The following ARHGAP17 variants were observed in gnomAD, a reference collection of about 807,000 sequenced individuals.
ARHGAP17 encodes rho GTPase-activating protein 17.
Under a neutral mutation model 99.5 loss-of-function variants are expected in ARHGAP17, and 57 were observed. The observed-to-expected ratio is 0.57, with a 90% CI of 0.46 to 0.71. The LOEUF (loss-of-function observed/expected upper bound fraction) is 0.71. ARHGAP17 is among the 30% of genes least tolerant of loss of function. The pLI is 0.00. For synonymous variants in ARHGAP17, 417 were observed against 429.6 expected (o/e 0.97, Z 0.36); for missense variants, 1,000 against 1,122.4 (o/e 0.89, Z 1.56).
intron 19 of ARHGAP17, among the ~76,000 whole-genome samples, chr16:24,923,727 TAAAAAAAAAAAAAA>T (rs1160793042): frequency 1.7e-5 from 2 of 119,908 alleles, no homozygotes; most frequent in African/African-American, 6.6e-5. Flanking sequence ...CTCTTTTTTT[TAAAAAAAAAAAAAA>T]AAAAAAAGAG....
At chr16:24,938,519 T>C (rs148518858) in intron 17 of ARHGAP17, among the ~76,000 whole-genome samples, 72 of 152,136 alleles carry the variant, frequency 4.7e-4, no homozygotes, top group African/African-American at 1.7e-3. Context: ...ATCCCAGCAT[T>C]TTGGAAGGCT....
At chr16:25,015,188 C>T in intron 1 of ARHGAP17, 21 bp downstream of exon 1, 1 of 1,299,508 alleles carries the variant, frequency 7.7e-7, no homozygotes, top group South Asian at 2.4e-5. Flanking sequence ...GTGCGACCCC[C>T]GTGCTGCCCG....
intron 1 of ARHGAP17, among the ~76,000 whole-genome samples, chr16:24,992,333 CT>C (rs2053070026): frequency 6.6e-6 from 1 of 151,986 alleles, no homozygotes; most frequent in Admixed American, 6.6e-5. Flanking sequence ...GCTATTTTTT[CT>C]TTTTCTTTTT....
intron 18 of ARHGAP17, among the ~76,000 whole-genome samples, chr16:24,934,682 C>T (rs2051086781): frequency 6.6e-6 from 1 of 151,464 alleles, no homozygotes; most frequent in Admixed American, 6.6e-5. Flanking sequence ...GTCTCCAACT[C>T]CTGGCCTCAA....
chr16:24,996,569 A>G (rs1221246543), intron 1 of ARHGAP17, among the ~76,000 whole-genome samples: 4 of 152,132 alleles, frequency 2.6e-5, no homozygotes. Context: ...GCATGTTCAG[A>G]AGGTGCCCTC....
At chr16:24,935,753 A>G in intron 17 of ARHGAP17, 114 bp from the exon 18 acceptor site, 1 of 1,148,186 alleles carries the variant, frequency 8.7e-7, no homozygotes, top group Non-Finnish European at 1.3e-6. Context: ...CAGGCAGGAA[A>G]AGGATCTGAA....
At position 24,935,505 on chromosome 16, in the gene ARHGAP17, T is replaced by C. The variant is rs2051113649; in HGVS notation, c.1859A>G (p.Asn620Ser). The change falls in exon 18 of 20, where the codon AAT becomes AGT. Residue 620 changes from asparagine (N) to serine (S), a missense_variant. Asn to Ser is a conservative substitution (Grantham distance 46, BLOSUM62 1). Coordinates refer to ENST00000289968, the MANE Select transcript of ARHGAP17 (RefSeq NM_001006634.3). ...SHQLSMGQPH[N>S]AAGPSPHTLR... ...TGTATGCGGGCTGGGCCCTGCAGCA[T>C]TGTGAGGTTGGCCCATGGAGAGCTG... 6.2e-7 allele frequency: 1 copy of C among 1,611,734 alleles called. No homozygotes were observed. The highest frequency in any genetic ancestry group is 8.5e-7 in the Non-Finnish European group (1 of 1,179,068).
At chr16:25,010,423 G>A (rs913447714) in intron 1 of ARHGAP17, among the ~76,000 whole-genome samples, 3 of 152,172 alleles carry the variant, frequency 2.0e-5, no homozygotes, top group African/African-American at 4.8e-5. Flanking sequence ...GTCAGGAGAC[G>A]AAATCCAAGC....
At chr16:25,006,114 G>A (rs1345109485) in intron 1 of ARHGAP17, among the ~76,000 whole-genome samples, 2 of 152,072 alleles carry the variant, frequency 1.3e-5, no homozygotes, top group Non-Finnish European at 2.9e-5. Flanking sequence ...CCAGCTCAAG[G>A]CAGCAAAGCC....
In ARHGAP17 at chr16:24,982,357, T is replaced by C. The variant is rs543649657; in HGVS notation, c.54-3352A>G. Among the ~76,000 whole-genome samples, 26 of 151,914 alleles carry C rather than the reference T, an allele frequency of 1.7e-4. No individual in the cohort carries two copies. The South Asian group carries it at 5.4e-3, about 32-fold the overall frequency. On this transcript the variant is annotated intron_variant, in intron 1 of 19. Coordinates refer to ENST00000289968, the MANE Select transcript of ARHGAP17 (RefSeq NM_001006634.3). Reference sequence around the variant, plus strand: ...AGGCGGAGGTTGCAGTGAGCCAAGATCGTGCCACTGCACTCCAGACTAGGC... The same window carrying C: ...AGGCGGAGGTTGCAGTGAGCCAAGACCGTGCCACTGCACTCCAGACTAGGC...
At chr16:24,976,430 G>A (rs2052517770) in intron 3 of ARHGAP17, among the ~76,000 whole-genome samples, 1 of 152,114 alleles carries the variant, frequency 6.6e-6, no homozygotes. Context: ...TTGGGAGACT[G>A]AAGCAGGAGG....
Position 24,947,574 on chromosome 16 carries a change from T to G in ARHGAP17, c.1149A>C (p.Ala383=), listed in dbSNP as rs767928270. 40 of 1,612,112 alleles carry G rather than the reference T, an allele frequency of 2.5e-5. No homozygotes were observed. Among genetic ancestry groups the G allele is most frequent in the Non-Finnish European group, 3.1e-5 (36 of 1,179,954 alleles). Residue 383 remains alanine, a synonymous_variant, in exon 14 of 20, where the codon GCA becomes GCC. Coordinates refer to ENST00000289968, the MANE Select transcript of ARHGAP17 (RefSeq NM_001006634.3). ...TCACATCGCTGGTCTGAGCAAGCTT[T>G]GCAAGGAACTTGATCAAATATCTAG... is the stretch of plus-strand genomic sequence containing the variant. ...VNFRYLIKFL[A]KLAQTSDVNK...
chr16:24,948,442 G>A (rs749632328), intron 13 of ARHGAP17, among the ~76,000 whole-genome samples: 3 of 152,066 alleles, frequency 2.0e-5, no homozygotes, highest in East Asian at 3.9e-4. Flanking sequence ...ATTTTTCATC[G>A]TATACCATTT....
At chr16:24,973,804 A>G (rs1480459179) in intron 3 of ARHGAP17, among the ~76,000 whole-genome samples, 1 of 152,238 alleles carries the variant, frequency 6.6e-6, no homozygotes, top group East Asian at 1.9e-4. Flanking sequence ...GCACTTGTAC[A>G]CAGTAGGTGT....
chr16:24,980,017 A>G (rs1418748592), intron 1 of ARHGAP17, among the ~76,000 whole-genome samples: 1 of 152,190 alleles, frequency 6.6e-6, no homozygotes, highest in Non-Finnish European at 1.5e-5. Context: ...GGCGTGAAGG[A>G]AATTTTTAAA....
chr16:24,940,055 A>G (rs1259275460), intron 16 of ARHGAP17: 1 of 173,248 alleles, frequency 5.8e-6, no homozygotes, highest in African/African-American at 2.4e-5. Context: ...AGCAGCTTGG[A>G]CTACTGGCAC....
At chr16:24,973,391 C>T (rs1027009650) in intron 3 of ARHGAP17, among the ~76,000 whole-genome samples, 4 of 152,134 alleles carry the variant, frequency 2.6e-5, no homozygotes, top group African/African-American at 9.7e-5. Context: ...CTGGAGACTG[C>T]TGCAATTTTC....
At chr16:24,928,002 T>G (rs528477611) in intron 19 of ARHGAP17, among the ~76,000 whole-genome samples, 1 of 152,346 alleles carries the variant, frequency 6.6e-6, no homozygotes, top group East Asian at 1.9e-4. Context: ...AACCCAACTC[T>G]TTAAAACTCT....
At chr16:24,981,128 C>A (rs77440626) in intron 1 of ARHGAP17, among the ~76,000 whole-genome samples, 1 of 152,208 alleles carries the variant, frequency 6.6e-6, no homozygotes, top group Non-Finnish European at 1.5e-5. Context: ...ACCAACCAAC[C>A]ATGTGCATCT....
Sources: gnomAD v4.1 joint callset for allele counts (sites outside exome capture counted in the v4.1 genomes callset) on GRCh38, gnomAD v4.1.1 for gene constraint, MANE v1.5 for transcripts, NCBI Gene and HGNC (gene_info 2026-07-23, HGNC 2026-07-21) for gene names.